The following DUS3L variants were observed in gnomAD, a reference collection of about 807,000 sequenced individuals.
The protein encoded by DUS3L is dihydrouridine synthase 3 like, also known as tRNA-dihydrouridine(47) synthase [NAD(P)(+)]-like.
DUS3L carries 62 observed loss-of-function variants against 74.6 expected under a neutral mutation model. The observed-to-expected ratio is 0.83, with a 90% CI of 0.68 to 1.03. The LOEUF is 1.03. DUS3L is among the 50% of genes least tolerant of loss of function. DUS3L has a pLI of 0.00. For synonymous variants in DUS3L, 433 were observed against 395.7 expected (o/e 1.09, Z -1.12); for missense variants, 884 against 924.4 (o/e 0.96, Z 0.57).
In DUS3L at chr19:5,787,401, G is replaced by A. The variant is rs553898974; in HGVS notation, c.1213-40C>T. The stretch of plus-strand genomic sequence containing the variant: ...CGGGTGGAGGGAGGGCAGGACGTGG[G>A]CTGACCCAAGACCCCTCACCCCTGC... On this transcript the variant is annotated intron_variant, in intron 6 of 12. Coordinates refer to ENST00000309061, the MANE Select transcript of DUS3L (RefSeq NM_020175.3). The A allele has an allele frequency of 7.5e-6, 12 of 1,603,488 alleles. No individual in the cohort carries two copies. In the Middle Eastern group the frequency reaches 6.7e-4, roughly 90 times the overall value.
At chr19:5,787,880 C>CCCAGAGGTGGAT in intron 5 of DUS3L, 144 bp downstream of exon 5, 13 of 1,451,686 alleles carry the variant, frequency 9.0e-6, no homozygotes, top group Non-Finnish European at 1.2e-5. Context: ...GCCATCAGCC[C>CCCAGAGGTGGAT]CCAGAGGTGG....
chr19:5,789,432 G>C lies in DUS3L; in HGVS notation c.675C>G (p.Phe225Leu), dbSNP rs748379146. 1.9e-6 allele frequency: 3 copies of C among 1,598,666 alleles called. No homozygotes were observed. Among genetic ancestry groups the C allele is most frequent in the Admixed American group, 3.4e-5 (2 of 58,912 alleles). Reference protein sequence around the residue: ...QQQLRKREVRFERAEQALRRF... With the variant: ...QQQLRKREVRLERAEQALRRF... Reference sequence around the variant, plus strand: ...GGCGCAGGGCCTGCTCAGCTCGCTCGAAGCGGACCTCGCGCTTCCGCAGCT... The same window carrying C: ...GGCGCAGGGCCTGCTCAGCTCGCTCCAAGCGGACCTCGCGCTTCCGCAGCT... Residue 225 changes from phenylalanine (F) to leucine (L), a missense_variant, in exon 3 of 13, where the codon TTC (phenylalanine) becomes TTG (leucine). By Grantham distance (22) the Phe-to-Leu change is conservative. Coordinates refer to ENST00000309061, the MANE Select transcript of DUS3L (RefSeq NM_020175.3).
At chr19:5,786,982 G>A in intron 8 of DUS3L, 79 bp downstream of exon 8, 2 of 1,483,994 alleles carry the variant, frequency 1.3e-6, no homozygotes, top group Non-Finnish European at 1.8e-6. Flanking sequence ...AAGAGGGAGG[G>A]ATGGGAGGAG....
At chr19:5,789,942 T>C in intron 2 of DUS3L, 105 bp downstream of exon 2, 2 of 1,475,600 alleles carry the variant, frequency 1.4e-6, no homozygotes, top group Non-Finnish European at 1.8e-6. Context: ...GCAAGCTCAC[T>C]GCTCGTTGCT....
At chr19:5,787,194 G>GGTGGGAGATGGGGGGAGGTC in intron 7 of DUS3L, 23 bp from the exon 8 acceptor site, 1 of 324,628 alleles carries the variant, frequency 3.1e-6, no homozygotes, top group Non-Finnish European at 5.7e-6. Context: ...GGTGGGAGGT[G>GGTGGGAGATGGGGGGAGGTC]GTGGGAGATG....
chr19:5,788,288 C>G, intron 4 of DUS3L, 69 bp downstream of exon 4: 1 of 1,611,534 alleles, frequency 6.2e-7, no homozygotes, highest in Non-Finnish European at 8.5e-7. Context: ...TGGGGACAGA[C>G]ACTAAGCCCT....
At position 5,785,726 on chromosome 19, in the gene DUS3L, G is replaced by GC; in HGVS notation, c.1627_1628insG (p.Ser543CysfsTer?). The GC allele has an allele frequency of 1.2e-6, 2 of 1,611,752 alleles. No homozygotes were observed. The highest frequency in any genetic ancestry group is 1.7e-6 in the Non-Finnish European group (2 of 1,179,670). On this transcript the variant is annotated frameshift_variant, in exon 11 of 13. Coordinates refer to ENST00000309061, the MANE Select transcript of DUS3L (RefSeq NM_020175.3). LOFTEE classifies it high-confidence loss of function. ...CCGCAGGATGTCCAGGCGCTCGGAC[G>GC]ACGAGATGTCCCAGTGCCGCTGCTC...
At chr19:5,788,504 G>A in intron 3 of DUS3L, 106 bp from the exon 4 acceptor site, 1 of 1,329,116 alleles carries the variant, frequency 7.5e-7, no homozygotes. Flanking sequence ...TGGCCCAAAT[G>A]GTCTGGCTCC....
rs771726203 is a variant in DUS3L at position 5,790,207 on chromosome 19, C to A, written c.227G>T (p.Arg76Leu). 6.2e-7 allele frequency: 1 copy of A among 1,614,180 alleles called. No individual in the cohort carries two copies. The highest frequency in any genetic ancestry group is 1.7e-5 in the Admixed American group (1 of 60,012). Residue 76 changes from arginine to leucine, a missense_variant, in exon 2 of 13, where the codon CGA becomes CTA. Physicochemically the swap from Arg to Leu is moderately radical, Grantham distance 102. Transcript: ENST00000309061. ...GTCCGCCGTCTGTCCATCCTCCAGTCGGATCCGCTTAGCCTCAGGCTCAGC... is the reference window on the plus strand; with the variant it reads ...GTCCGCCGTCTGTCCATCCTCCAGTAGGATCCGCTTAGCCTCAGGCTCAGC... ...ELAEPEAKRIRLEDGQTADGQ... is the reference protein window; with the variant it reads ...ELAEPEAKRILLEDGQTADGQ...
At position 5,787,884 on chromosome 19, in the gene DUS3L, G is replaced by A. The variant is rs1446320204; in HGVS notation, c.1095+140C>T. 2.1e-6 allele frequency: 3 copies of A among 1,455,144 alleles called. No individual in the cohort carries two copies. The East Asian group carries it at 7.1e-5, about 34-fold the overall frequency. The allele number at this position is 1,455,144 out of a possible 1,614,324, so 90.1% of individuals were successfully genotyped here. A position where few individuals can be genotyped will look rare whatever the true frequency, so the allele number is the denominator to read the frequency against. ...CCCCGGCCACGGCCATCAGCCCCCA[G>A]AGGTGGATCAGGGCATCACCCCCAC... On this transcript the variant is annotated intron_variant, in intron 5 of 12. Transcript: ENST00000309061.
At chr19:5,790,969 C>T (rs552844864) in intron 1 of DUS3L, 75 bp downstream of exon 1, 206 of 1,407,174 alleles carry the variant, frequency 1.5e-4, no homozygotes, top group Admixed American at 1.3e-3. Flanking sequence ...CCTAATCTCC[C>T]GGCATGCACA....
rs1451364646 is a variant in DUS3L, at chr19:5,788,013, T to G, written c.1095+11A>C. 2.5e-6 allele frequency: 4 copies of G among 1,610,966 alleles called. No individual in the cohort carries two copies. The African/African-American group carries it at 4.0e-5, about 16-fold the overall frequency. On this transcript the variant is annotated intron_variant, in intron 5 of 12. Coordinates refer to ENST00000309061, the MANE Select transcript of DUS3L (RefSeq NM_020175.3). ...CCCCTCCACTCTCCCTCCCTCGGGG[T>G]GGGCACTGACCTGGACGCCAAAGAT...
chr19:5,787,873 A>G, intron 5 of DUS3L, 151 bp downstream of exon 5: 7 of 1,437,550 alleles, frequency 4.9e-6, no homozygotes, highest in South Asian at 1.3e-5. Context: ...GGCCACGGCC[A>G]TCAGCCCCCA....
chr19:5,790,345 G>A lies in DUS3L; in HGVS notation c.99-10C>T. The A allele has an allele frequency of 6.2e-7, 1 of 1,613,780 alleles. No homozygotes were observed. Among genetic ancestry groups the A allele is most frequent in the Non-Finnish European group, 8.5e-7 (1 of 1,179,846 alleles). On this transcript the variant is annotated splice_polypyrimidine_tract_variant and intron_variant, in intron 1 of 12. Coordinates refer to ENST00000309061, the MANE Select transcript of DUS3L (RefSeq NM_020175.3). ...CTTGGTGGTGAGGTATCTGCCGACA[G>A]AAAGGGAAAGGAAAACCCTCCGAAC...
intron 1 of DUS3L, among the ~76,000 whole-genome samples, chr19:5,790,560 T>C (rs1329320932): frequency 6.6e-6 from 1 of 152,082 alleles, no homozygotes; most frequent in East Asian, 1.9e-4. Flanking sequence ...ATTATCAGGT[T>C]CAGTCAAGAA....
At chr19:5,787,765 G>T in intron 5 of DUS3L, 60 bp from the exon 6 acceptor site, 1 of 1,574,420 alleles carries the variant, frequency 6.4e-7, no homozygotes. Context: ...GTCCCCACTT[G>T]GCCGTTCCCT....
intron 10 of DUS3L, 44 bp downstream of exon 10, chr19:5,786,423 C>A: frequency 2.5e-6 from 4 of 1,594,836 alleles, no homozygotes; most frequent in Non-Finnish European, 3.4e-6. Flanking sequence ...CAGGGCACTG[C>A]TGCTGTGCAT....
chr19:5,785,962 T>C, intron 10 of DUS3L, 171 bp from the exon 11 acceptor site: 3 of 730,984 alleles, frequency 4.1e-6, no homozygotes, highest in East Asian at 3.0e-5. Context: ...TTCTTTTGTT[T>C]TTTCTGAGAC....
chr19:5,786,514 A>T lies in DUS3L; in HGVS notation c.1515T>A (p.Asp505Glu). 4 of 1,613,126 alleles carry T rather than the reference A, an allele frequency of 2.5e-6. No individual in the cohort carries two copies. Among genetic ancestry groups the T allele is most frequent in the Non-Finnish European group, 3.4e-6 (4 of 1,179,952 alleles). ...CACCAGTCTGCATGGCGCGGTTGGCATCCTCAAATGACAAGATGTCCCCAT... is the reference window on the plus strand; with the variant it reads ...CACCAGTCTGCATGGCGCGGTTGGCTTCCTCAAATGACAAGATGTCCCCAT... ...FGNGDILSFEDANRAMQTGVT... is the reference protein window; with the variant it reads ...FGNGDILSFEEANRAMQTGVT... Residue 505 changes from aspartate to glutamate, a missense_variant, in exon 10 of 13, where the codon GAT becomes GAA. Asp to Glu is a conservative substitution (Grantham distance 45). Transcript: ENST00000309061.
Sources: gnomAD v4.1 joint callset for allele counts (sites outside exome capture counted in the v4.1 genomes callset) on GRCh38, gnomAD v4.1.1 for gene constraint, MANE v1.5 for transcripts, NCBI Gene and HGNC (gene_info 2026-07-23, HGNC 2026-07-21) for gene names.